The following CARS2 variants were observed in gnomAD, a reference collection of about 807,000 sequenced individuals.
CARS2 encodes probable cysteine--tRNA ligase, mitochondrial.
Under a neutral mutation model 68.8 loss-of-function variants are expected in CARS2, and 52 were observed. That is an observed-to-expected ratio of 0.76 (90% CI 0.61 to 0.95). The LOEUF (loss-of-function observed/expected upper bound fraction) is 0.95. Ranked by LOEUF, CARS2 falls within the 40% of genes least tolerant of loss-of-function variation. The pLI, the probability that CARS2 is intolerant of heterozygous loss-of-function variation, is 0.00. For synonymous variants in CARS2, 314 were observed against 303.6 expected (o/e 1.03, Z -0.36); for missense variants, 780 against 754.2 (o/e 1.03, Z -0.40).
chr13:110,697,945 C>T (rs1332867245), intron 3 of CARS2: 1 of 455,734 alleles, frequency 2.2e-6, no homozygotes, highest in African/African-American at 2.0e-5. Context: ...TCAAGGACCT[C>T]ACACCATTCC....
intron 5 of CARS2, among the ~76,000 whole-genome samples, chr13:110,687,014 G>A (rs191148465): frequency 5.3e-5 from 8 of 152,212 alleles, no homozygotes; most frequent in African/African-American, 1.7e-4. Flanking sequence ...CCAAACAGAC[G>A]GGGGTGACCT....
intron 8 of CARS2, chr13:110,664,225 G>C (rs2062585297): frequency 3.0e-6 from 3 of 984,686 alleles, no homozygotes; most frequent in African/African-American, 3.5e-5. Flanking sequence ...GAGTCCTCCA[G>C]GCCGGACGCA....
chr13:110,646,345 C>T (rs926011888), intron 11 of CARS2: 6 of 360,430 alleles, frequency 1.7e-5, no homozygotes, highest in African/African-American at 1.3e-4. Context: ...CACACGTGGG[C>T]ATTTTCATGA....
intron 13 of CARS2, 82 bp from the exon 14 acceptor site, chr13:110,642,603 G>T: frequency 7.4e-7 from 1 of 1,348,690 alleles, no homozygotes; most frequent in Non-Finnish European, 1.1e-6. Context: ...TTGGGCTCTG[G>T]GCCGACACCC....
intron 9 of CARS2, chr13:110,651,333 C>T (rs780371370): frequency 2.6e-5 from 13 of 499,616 alleles, no homozygotes; most frequent in Admixed American, 3.8e-5. Flanking sequence ...AAGAGAAAGC[C>T]GGTTTGCACT....
chr13:110,696,085 C>T (rs1465834682), intron 3 of CARS2, among the ~76,000 whole-genome samples: 1 of 152,148 alleles, frequency 6.6e-6, no homozygotes, highest in Non-Finnish European at 1.5e-5. Flanking sequence ...CAGCTTCACC[C>T]GTGTCCCTGC....
chr13:110,641,939 C>T (rs750398564), intron 14 of CARS2, among the ~76,000 whole-genome samples: 21 of 152,212 alleles, frequency 1.4e-4, no homozygotes, highest in Non-Finnish European at 2.6e-4. Flanking sequence ...CAGTGGCTCA[C>T]GCCTGTAATC....
At chr13:110,684,263 T>A (rs2063234645) in intron 5 of CARS2, among the ~76,000 whole-genome samples, 1 of 152,148 alleles carries the variant, frequency 6.6e-6, no homozygotes, top group African/African-American at 2.4e-5. Flanking sequence ...ACTTTTAGCC[T>A]TTACAAAGTT....
At chr13:110,656,428 C>A (rs764531639) in intron 9 of CARS2, among the ~76,000 whole-genome samples, 13 of 152,308 alleles carry the variant, frequency 8.5e-5, no homozygotes, top group Admixed American at 2.6e-4. Context: ...TATGTTCAGA[C>A]CACAGAGCTT....
At chr13:110,642,745 G>C (rs773243054) in intron 13 of CARS2, 1 of 751,006 alleles carries the variant, frequency 1.3e-6, no homozygotes, top group Non-Finnish European at 2.4e-6. Flanking sequence ...GTCCAAGCAA[G>C]GCTGAGTGAT....
intron 3 of CARS2, among the ~76,000 whole-genome samples, chr13:110,699,213 C>T (rs78636199): frequency 0.024 from 3,595 of 152,314 alleles, 127 homozygotes; most frequent in African/African-American, 0.067. Context: ...AATTACCCAA[C>T]CTGTGGTGTT....
At chr13:110,694,278 G>A (rs1194467912) in intron 3 of CARS2, among the ~76,000 whole-genome samples, 3 of 150,016 alleles carry the variant, frequency 2.0e-5, no homozygotes, top group Non-Finnish European at 3.0e-5. Context: ...CTCCCACCTC[G>A]GCCTCCCAAA....
chr13:110,642,900 G>C (rs1887588468), intron 13 of CARS2: 1 of 451,150 alleles, frequency 2.2e-6, no homozygotes. Flanking sequence ...CAGCGACTGA[G>C]CGCTTGCACA....
chr13:110,652,914 C>G (rs1007182715), intron 9 of CARS2, among the ~76,000 whole-genome samples: 3 of 152,098 alleles, frequency 2.0e-5, no homozygotes, highest in Non-Finnish European at 4.4e-5. Flanking sequence ...GCAAACGCAT[C>G]TGGAAGCACA....
intron 5 of CARS2, among the ~76,000 whole-genome samples, chr13:110,685,658 T>C (rs2063280081): frequency 6.6e-6 from 1 of 152,212 alleles, no homozygotes; most frequent in African/African-American, 2.4e-5. Flanking sequence ...CAGAACTGGC[T>C]GCCAAATGGT....
At chr13:110,660,722 T>G (rs1026897575) in intron 9 of CARS2, among the ~76,000 whole-genome samples, 2 of 151,978 alleles carry the variant, frequency 1.3e-5, no homozygotes, top group Middle Eastern at 3.4e-3. Context: ...CGCTTTGATA[T>G]TCCACGTATA....
At chr13:110,700,323 A>G (rs1242977081) in intron 3 of CARS2, among the ~76,000 whole-genome samples, 2 of 152,144 alleles carry the variant, frequency 1.3e-5, no homozygotes, top group African/African-American at 4.8e-5. Context: ...CAGGGACAAC[A>G]CCTGGGGTTG....
chr13:110,698,721 C>T (rs908249682), intron 3 of CARS2, among the ~76,000 whole-genome samples: 5 of 149,192 alleles, frequency 3.4e-5, no homozygotes, highest in African/African-American at 7.4e-5. Flanking sequence ...AAGGGCTTTC[C>T]GGCCAGGTGC....
At chr13:110,684,469 C>G (rs1358934544) in intron 5 of CARS2, among the ~76,000 whole-genome samples, 1 of 151,426 alleles carries the variant, frequency 6.6e-6, no homozygotes, top group African/African-American at 2.4e-5. Context: ...CGAGTGCCAG[C>G]TTAGTGGTCA....
Sources: gnomAD v4.1 joint callset for allele counts (sites outside exome capture counted in the v4.1 genomes callset) on GRCh38, gnomAD v4.1.1 for gene constraint, MANE v1.5 for transcripts, NCBI Gene and HGNC (gene_info 2026-07-23, HGNC 2026-07-21) for gene names.